The following ZSWIM8 variants were observed in gnomAD, a reference collection of about 807,000 sequenced individuals.
The protein encoded by ZSWIM8 is zinc finger SWIM domain-containing protein 8.
In ZSWIM8, 27 loss-of-function variants were observed where a neutral mutation model predicts 173.7. That is an observed-to-expected ratio of 0.16 (90% CI 0.11 to 0.21). The LOEUF is 0.21. ZSWIM8 is among the 10% of genes least tolerant of loss of function. The pLI, the probability that ZSWIM8 is intolerant of heterozygous loss-of-function variation, is 1.00. For missense variants in ZSWIM8, 1,627 were observed against 2,428.8 expected (o/e 0.67, Z 6.94); for synonymous variants, 958 against 962.0 (o/e 1.00, Z 0.08).
chr10:73,793,527 A>G, intron 10 of ZSWIM8, 61 bp from the exon 11 acceptor site: 3 of 1,521,484 alleles, frequency 2.0e-6, no homozygotes, highest in Non-Finnish European at 2.7e-6. Flanking sequence ...ATGAGTGAGC[A>G]TGATGTCCTG....
rs771916475 is a variant in ZSWIM8 at position 73,796,727 on chromosome 10, G to T, written c.3034-47G>T. ...AGGTAATAGAAGTCAGGAGCTAAAG[G>T]GCATCCTGTCACTGCTTCTCTGGAG... On this transcript the variant is annotated intron_variant, in intron 15 of 25. Coordinates refer to ENST00000604729, the MANE Select transcript of ZSWIM8 (RefSeq NM_001367799.1). 7.5e-6 allele frequency: 12 copies of T among 1,602,638 alleles called. No individual in the cohort carries two copies. The African/African-American group carries it at 1.5e-4, about 20-fold the overall frequency.
In ZSWIM8 at chr10:73,792,527, C is replaced by T. The variant is rs1296468692; in HGVS notation, c.1988C>T (p.Pro663Leu). The T allele has an allele frequency of 2.5e-6, 4 of 1,613,996 alleles. No individual in the cohort carries two copies. Among genetic ancestry groups the T allele is most frequent in the Non-Finnish European group, 8.5e-7 (1 of 1,179,862 alleles). Residue 663 changes from proline (P) to leucine (L), a missense_variant, in exon 10 of 26, where the codon CCC (proline) becomes CTC (leucine). Transcript: ENST00000604729. This position sits in a 1 kb window ranked among gnomAD's most constrained non-coding sequence, Gnocchi z 4.3. ...SRGPSTFLPEPPDTYEEDGGV... is the reference protein window; with the variant it reads ...SRGPSTFLPELPDTYEEDGGV... ...GGCCCTTCCACTTTCCTTCCTGAGCCCCCAGATACTTATGAAGAAGATGGT... is the reference window on the plus strand; with the variant it reads ...GGCCCTTCCACTTTCCTTCCTGAGCTCCCAGATACTTATGAAGAAGATGGT...
chr10:73,789,025 T>G lies in ZSWIM8; in HGVS notation c.363-71T>G. On this transcript the variant is annotated intron_variant, in intron 2 of 25. Transcript: ENST00000604729. The surrounding 1 kb of genome is among the most constrained non-coding windows in gnomAD (Gnocchi z 6.8). ...GGCTAGGGAGAGAGTGCCTAGGGCA[T>G]TGTGGTCTCTGACAGGGTCTGCCAA... 1.5e-6 allele frequency: 2 copies of G among 1,291,672 alleles called. No individual in the cohort carries two copies. Among genetic ancestry groups the G allele is most frequent in the Non-Finnish European group, 2.1e-6 (2 of 946,798 alleles). 80.0% of individuals were successfully genotyped at this position (1,291,672 alleles called of 1,614,324 possible).
intron 21 of ZSWIM8, 156 bp from the exon 22 acceptor site, chr10:73,799,855 G>C (rs1311091349): frequency 1.1e-5 from 8 of 735,608 alleles, no homozygotes; most frequent in Non-Finnish European, 6.6e-6. Flanking sequence ...AGAGGTTGCA[G>C]TGAGCCGATA....
Position 73,792,703 on chromosome 10 carries a change from G to T in ZSWIM8, c.2164G>T (p.Val722Phe), listed in dbSNP as rs756260300. Residue 722 changes from valine to phenylalanine, a missense_variant, in exon 10 of 26, where the codon GTT becomes TTT. Coordinates refer to ENST00000604729, the MANE Select transcript of ZSWIM8 (RefSeq NM_001367799.1). The surrounding 1 kb of genome is among the most constrained non-coding windows in gnomAD (Gnocchi z 4.3). ...CAAAACCAAAGAGGCAGCCCCTGCAGTTGGAGAGGAGGATGATGACTACCA... is the reference window on the plus strand; with the variant it reads ...CAAAACCAAAGAGGCAGCCCCTGCATTTGGAGAGGAGGATGATGACTACCA... ...LPKTKEAAPA[V>F]GEEDDDYQAY... 6.2e-7 allele frequency: 1 copy of T among 1,614,002 alleles called. No homozygotes were observed. The highest frequency in any genetic ancestry group is 8.5e-7 in the Non-Finnish European group (1 of 1,179,904).
chr10:73,785,923 A>T lies in ZSWIM8; in HGVS notation c.45A>T (p.Ser15=). The T allele has an allele frequency of 2.6e-6, 4 of 1,551,832 alleles. No individual in the cohort carries two copies. Among genetic ancestry groups the T allele is most frequent in the Non-Finnish European group, 3.5e-6 (4 of 1,147,320 alleles). Residue 15 remains serine, a synonymous_variant, in exon 1 of 26, where the codon TCA becomes TCT. Coordinates refer to ENST00000604729, the MANE Select transcript of ZSWIM8 (RefSeq NM_001367799.1). ...AGTGGGAGGACGGAGAGCGCTTCTC[A>T]TTCGAGGATTCGGACCGTTTTGAGG... ...FAEWEDGERF[S]FEDSDRFEED...
Position 73,800,370 on chromosome 10 carries a change from A to G in ZSWIM8, c.4900A>G (p.Ser1634Gly), listed in dbSNP as rs764608860. 6.2e-7 allele frequency: 1 copy of G among 1,613,950 alleles called. No individual in the cohort carries two copies. Among genetic ancestry groups the G allele is most frequent in the Non-Finnish European group, 8.5e-7 (1 of 1,179,868 alleles). ...ASLPALTTQP[S>G]PLVSGGFPPP... ...ACTGCCTGCCCTGACCACACAGCCC[A>G]GCCCTCTGGTGAGCGGAGGTTTTCC... The change falls in exon 23 of 26, where the codon AGC (serine) becomes GGC (glycine). Residue 1634 changes from serine to glycine, a missense_variant. Around this residue, in one of 18 missense-constraint regions of ZSWIM8, gnomAD observed 275 missense variants for 290.1 expected, o/e 0.95. Coordinates refer to ENST00000604729, the MANE Select transcript of ZSWIM8 (RefSeq NM_001367799.1). The surrounding 1 kb of genome is among the most constrained non-coding windows in gnomAD (Gnocchi z 4.1).
Position 73,785,761 on chromosome 10 carries a change from C to T in ZSWIM8, c.-118C>T. ...CGCCCGGCACGGCCGCCCTGAGCGC[C>T]CCGGCCACCCCCAGCCCCGGCTCGC... On this transcript the variant is annotated 5_prime_UTR_variant, in exon 1 of 26. Coordinates refer to ENST00000604729, the MANE Select transcript of ZSWIM8 (RefSeq NM_001367799.1). The T allele has an allele frequency of 1.7e-6, 2 of 1,150,590 alleles. No individual in the cohort carries two copies. Among genetic ancestry groups the T allele is most frequent in the South Asian group, 2.8e-5 (2 of 72,590 alleles). The allele number at this position is 1,150,590 out of a possible 1,614,324, so 71.3% of individuals were successfully genotyped here. A position where few individuals can be genotyped will look rare whatever the true frequency, so the allele number is the denominator to read the frequency against.
intron 14 of ZSWIM8, among the ~76,000 whole-genome samples, chr10:73,795,127 T>G (rs1054527660): frequency 1.3e-5 from 2 of 151,556 alleles, no homozygotes; most frequent in African/African-American, 4.9e-5. Flanking sequence ...AAAAATTGTG[T>G]GCTATGGGTA....
In ZSWIM8 at chr10:73,795,591, A is replaced by G. The variant is rs756682525; in HGVS notation, c.2961A>G (p.Thr987=). The G allele has an allele frequency of 3.1e-6, 5 of 1,613,994 alleles. No homozygotes were observed. The highest frequency in any genetic ancestry group is 8.5e-7 in the Non-Finnish European group (1 of 1,179,890). ...EAEHPLLCEG[T]RREKGDLALA... ...AACATCCCCTCTTATGTGAAGGCAC[A>G]CGTCGGGAGAAGGGTGACCTGGCAT... Residue 987 remains threonine, a synonymous_variant, in exon 15 of 26, where the codon ACA becomes ACG. Transcript: ENST00000604729.
chr10:73,789,421 C>T lies in ZSWIM8; in HGVS notation c.512C>T (p.Ala171Val). Residue 171 changes from alanine to valine, a missense_variant, in exon 4 of 26, where the codon GCC becomes GTC. Ala to Val is a moderately conservative substitution (Grantham distance 64, BLOSUM62 0). Around this residue, in one of 18 missense-constraint regions of ZSWIM8, gnomAD observed 16 missense variants for 16.7 expected, o/e 0.96. Transcript: ENST00000604729. The surrounding 1 kb of genome is among the most constrained non-coding windows in gnomAD (Gnocchi z 6.8). The part of the protein sequence containing the change: ...VPPQMVPPKG[A>V]YNVAVMFDRC... ...CCTCAGATGGTCCCTCCTAAAGGGG[C>T]CTACAACGTGGCTGTGATGTTTGAC... 6.3e-7 allele frequency: 1 copy of T among 1,592,392 alleles called. No homozygotes were observed. Among genetic ancestry groups the T allele is most frequent in the Non-Finnish European group, 8.6e-7 (1 of 1,169,316 alleles).
At chr10:73,795,126 G>A (rs781754321) in intron 14 of ZSWIM8, among the ~76,000 whole-genome samples, 1 of 151,830 alleles carries the variant, frequency 6.6e-6, no homozygotes, top group Non-Finnish European at 1.5e-5. Context: ...AAAAAATTGT[G>A]TGCTATGGGT....
chr10:73,798,980 ACT>A lies in ZSWIM8; in HGVS notation c.4177-19_4177-18del. The A allele has an allele frequency of 1.3e-6, 2 of 1,588,556 alleles. No individual in the cohort carries two copies. On this transcript the variant is annotated intron_variant, in intron 20 of 25. Coordinates refer to ENST00000604729, the MANE Select transcript of ZSWIM8 (RefSeq NM_001367799.1). ...GTGGTAAAGGCCTTTCCCCCTTAAC[ACT>A]CTGTGCCCCTCTCTTCCAGGACAAC...
In ZSWIM8 at chr10:73,794,466, G is replaced by T. The variant is rs1003709181; in HGVS notation, c.2810-75G>T. 5.1e-6 allele frequency: 8 copies of T among 1,568,448 alleles called. No individual in the cohort carries two copies. In the African/African-American group the frequency reaches 1.1e-4, roughly 21 times the overall value. On this transcript the variant is annotated intron_variant, in intron 13 of 25. Coordinates refer to ENST00000604729, the MANE Select transcript of ZSWIM8 (RefSeq NM_001367799.1). ...TTCATGGGTAGGTCTGTGATGATGA[G>T]GATTTTGGGTTCCCCTGTATTTTTT...
chr10:73,801,654 TG>T lies in ZSWIM8; in HGVS notation c.*138del. 5 of 1,535,916 alleles carry T rather than the reference TG, an allele frequency of 3.3e-6. No individual in the cohort carries two copies. The highest frequency in any genetic ancestry group is 4.4e-6 in the Non-Finnish European group (5 of 1,146,780). ...GGTAGCACAGACTGACAGCTGCTCTTGGGCTATAGCTTGGGGCCAAGATGTC... is the reference window on the plus strand; with the variant it reads ...GGTAGCACAGACTGACAGCTGCTCTTGGCTATAGCTTGGGGCCAAGATGTC... On this transcript the variant is annotated 3_prime_UTR_variant, in exon 26 of 26. Transcript: ENST00000604729. This position sits in a 1 kb window ranked among gnomAD's most constrained non-coding sequence, Gnocchi z 4.9.
In ZSWIM8 at chr10:73,797,718, A is replaced by G. The variant is rs899203194; in HGVS notation, c.3663-63A>G. 4 of 1,571,374 alleles carry G rather than the reference A, an allele frequency of 2.5e-6. No individual in the cohort carries two copies. Among genetic ancestry groups the G allele is most frequent in the African/African-American group, 1.4e-5 (1 of 73,918 alleles). On this transcript the variant is annotated intron_variant, in intron 18 of 25. Coordinates refer to ENST00000604729, the MANE Select transcript of ZSWIM8 (RefSeq NM_001367799.1). The surrounding 1 kb of genome is among the most constrained non-coding windows in gnomAD (Gnocchi z 5.6). ...TCCTCACTTTCCCTGGTCCTTCCCA[A>G]CCTACCCGGATGCCCATTTCAAAGA...
chr10:73,789,290 T>G lies in ZSWIM8; in HGVS notation c.458-77T>G. Reference sequence around the variant, plus strand: ...AAGAAGCTGGAGCATGTTGTCTGAATAACTGCAGGGCCAGGGTCAAGGGCA... The same window carrying G: ...AAGAAGCTGGAGCATGTTGTCTGAAGAACTGCAGGGCCAGGGTCAAGGGCA... On this transcript the variant is annotated intron_variant, in intron 3 of 25. Transcript: ENST00000604729. This position sits in a 1 kb window ranked among gnomAD's most constrained non-coding sequence, Gnocchi z 6.8. The G allele has an allele frequency of 6.3e-7, 1 of 1,590,754 alleles. No individual in the cohort carries two copies. The highest frequency in any genetic ancestry group is 8.6e-7 in the Non-Finnish European group (1 of 1,166,094).
chr10:73,798,205 C>G (rs1404770494), intron 19 of ZSWIM8, 25 bp from the exon 20 acceptor site: 46 of 1,611,734 alleles, frequency 2.9e-5, no homozygotes, highest in Non-Finnish European at 3.2e-5. Context: ...TAACCCAACT[C>G]TGCCCTTCTC....
chr10:73,801,021 G>T lies in ZSWIM8; in HGVS notation c.5127G>T (p.Val1709=). ...WLLGLAAKLG[V]NYVHQFCVGA... ...GCCCCTCCCCCTGCCCCCCAGGAGT[G>T]AACTACGTGCACCAGTTCTGTGTGG... Residue 1709 remains valine (V), a synonymous_variant, in exon 25 of 26, where the codon GTG becomes GTT. Transcript: ENST00000604729. The surrounding 1 kb of genome is among the most constrained non-coding windows in gnomAD (Gnocchi z 4.9). 1 of 1,546,722 alleles carries T rather than the reference G, an allele frequency of 6.5e-7. No individual in the cohort carries two copies. The highest frequency in any genetic ancestry group is 8.7e-7 in the Non-Finnish European group (1 of 1,143,442).
Sources: allele counts gnomAD v4.1 joint callset (sites outside exome capture counted in the v4.1 genomes callset), GRCh38; gene constraint gnomAD v4.1.1; regional missense constraint gnomAD v4.1.1; non-coding constraint Gnocchi (gnomAD v3.1); transcripts MANE v1.5; gene names NCBI Gene and HGNC (gene_info 2026-07-23, HGNC 2026-07-21).